Variants in EPN2 observed in about 807,000 individuals in gnomAD.
EPN2 encodes the protein epsin 2.
EPN2 carries 34 observed loss-of-function variants against 61.7 expected under a neutral mutation model. That is an observed-to-expected ratio of 0.55 (90% confidence interval 0.42 to 0.73). The LOEUF is 0.73. Ranked by LOEUF, EPN2 falls within the 30% of genes least tolerant of loss-of-function variation. The pLI is 0.00. For synonymous variants in EPN2, 349 were observed against 353.6 expected, an observed-to-expected ratio of 0.99 and a Z score of 0.15; for missense variants, 714 against 839.2, an observed-to-expected ratio of 0.85 and a Z score of 1.84.
At chr17:19,333,861 C>G in intron 10 of EPN2, 95 bp from the exon 11 acceptor site, 2 of 1,074,376 alleles carry the variant, frequency 1.9e-6, no homozygotes, top group Non-Finnish European at 2.6e-6. Flanking sequence ...GAGGGCACAG[C>G]AGGGACCAGA....
rs768259772 is a variant in EPN2 at position 19,311,979 on chromosome 17, G to A, written c.880-73G>A. On this transcript the variant is annotated intron_variant, in intron 5 of 10. Transcript: ENST00000314728. ...CTGCATCATACAATGTGCATTTCCT[G>A]TTTCTGGCCAGTGTGGCTTTGTTCT... The A allele has an allele frequency of 5.1e-6, 5 of 977,224 alleles. No individual in the cohort carries two copies. The Admixed American group carries it at 5.5e-5, about 11-fold the overall frequency. 60.5% of individuals were successfully genotyped at this position (977,224 alleles called of 1,614,324 possible).
At chr17:19,297,571 G>A (rs1052806158) in intron 4 of EPN2, among the ~76,000 whole-genome samples, 4 of 152,340 alleles carry the variant, frequency 2.6e-5, no homozygotes, top group Admixed American at 1.3e-4. Flanking sequence ...CAGACATACC[G>A]ACACCGTGTG....
intron 1 of EPN2, among the ~76,000 whole-genome samples, chr17:19,255,436 CTTTATTTATTTATTTATTTA>C (rs58603139): frequency 5.6e-4 from 78 of 138,348 alleles, no homozygotes; most frequent in East Asian, 4.5e-3. Flanking sequence ...TCTTCATTTA[CTTTATTTATTTATTTATTTA>C]TTTATTTATT....
chr17:19,253,513 C>T (rs1010027841), intron 1 of EPN2, among the ~76,000 whole-genome samples: 1 of 149,346 alleles, frequency 6.7e-6, no homozygotes, highest in Non-Finnish European at 1.5e-5. Flanking sequence ...TTCCTGGGCT[C>T]AAGGGATCTT....
At chr17:19,306,625 C>T (rs930264050) in intron 4 of EPN2, among the ~76,000 whole-genome samples, 3 of 152,184 alleles carry the variant, frequency 2.0e-5, no homozygotes, top group Admixed American at 6.5e-5. Flanking sequence ...TGCAGATGTG[C>T]TAGAAAGCTC....
At chr17:19,320,846 T>C (rs1906603913) in intron 7 of EPN2, among the ~76,000 whole-genome samples, 1 of 152,188 alleles carries the variant, frequency 6.6e-6, no homozygotes, top group Non-Finnish European at 1.5e-5. Context: ...TGTGCAGAGA[T>C]GCAGATAAAC....
At chr17:19,268,091 T>C (rs1041075288) in intron 1 of EPN2, among the ~76,000 whole-genome samples, 3 of 152,200 alleles carry the variant, frequency 2.0e-5, no homozygotes, top group Non-Finnish European at 2.9e-5. Flanking sequence ...CTGAGGGTTC[T>C]CACTCTGCCC....
chr17:19,317,398 G>A (rs1009646260), intron 7 of EPN2, among the ~76,000 whole-genome samples: 2 of 152,194 alleles, frequency 1.3e-5, no homozygotes, highest in African/African-American at 4.8e-5. Flanking sequence ...CTGTACTCCC[G>A]CCCACTGCCT....
intron 4 of EPN2, among the ~76,000 whole-genome samples, chr17:19,297,507 G>A (rs1473300189): frequency 6.6e-6 from 1 of 152,240 alleles, no homozygotes; most frequent in African/African-American, 2.4e-5. Context: ...AGCTTTCAGG[G>A]GCTTGCAGCT....
chr17:19,301,134 G>C (rs1259454066), intron 4 of EPN2, among the ~76,000 whole-genome samples: 4 of 152,254 alleles, frequency 2.6e-5, no homozygotes, highest in Middle Eastern at 3.4e-3. Flanking sequence ...GCAGGGCCCA[G>C]TGTTACTTGG....
Position 19,283,977 on chromosome 17 carries a change from A to G in EPN2, c.595+263A>G, listed in dbSNP as rs2045381737. 6.6e-6 allele frequency among the ~76,000 whole-genome samples: 1 copy of G among 152,220 alleles called. No individual in the cohort carries two copies. Among genetic ancestry groups the G allele is most frequent in the African/African-American group, 2.4e-5 (1 of 41,462 alleles). On this transcript the variant is annotated intron_variant, in intron 3 of 10. Coordinates refer to ENST00000314728, the MANE Select transcript of EPN2 (RefSeq NM_014964.5). This position sits in a 1 kb window ranked among gnomAD's most constrained non-coding sequence, Gnocchi z 7.0. ...TGGGCCTCATTCTGTACATCTGGGC[A>G]GACGGTGGGCAGAGGCAGGTCTTTT... is the stretch of plus-strand genomic sequence containing the variant.
chr17:19,285,739 C>G lies in EPN2; in HGVS notation c.715C>G (p.Pro239Ala). 8.1e-6 allele frequency: 13 copies of G among 1,608,720 alleles called. No homozygotes were observed. Among genetic ancestry groups the G allele is most frequent in the Non-Finnish European group, 1.1e-5 (13 of 1,178,618 alleles). Residue 239 changes from proline (P) to alanine (A), a missense_variant, in exon 4 of 11, where the codon CCA (proline) becomes GCA (alanine). Pro to Ala is a conservative substitution (Grantham distance 27, BLOSUM62 -1). This residue lies in a region of EPN2 where 304 missense variants were observed against 417.4 expected (regional missense o/e 0.73). Coordinates refer to ENST00000314728, the MANE Select transcript of EPN2 (RefSeq NM_014964.5). This position sits in a 1 kb window ranked among gnomAD's most constrained non-coding sequence, Gnocchi z 4.5. ...GCCGCACCTGGGGCTGGCCTCCCGC[C>G]CAAATGGCGACTGGTCCCAGCCCTG... ...FLPHLGLASR[P>A]NGDWSQPCLT...
intron 1 of EPN2, among the ~76,000 whole-genome samples, chr17:19,255,418 C>T (rs1255409216): frequency 6.7e-6 from 1 of 150,184 alleles, no homozygotes; most frequent in Non-Finnish European, 1.5e-5. Flanking sequence ...TTCCTTATTG[C>T]TTGAGTTTCT....
intron 1 of EPN2, among the ~76,000 whole-genome samples, chr17:19,243,483 C>G (rs1426580661): frequency 6.7e-6 from 1 of 149,840 alleles, no homozygotes; most frequent in Admixed American, 6.7e-5. Context: ...AGCTCCGCCT[C>G]CCGGGTTCAC....
rs552710429 is a variant in EPN2, at chr17:19,244,092, T to C, written c.-294+6561T>C. On this transcript the variant is annotated intron_variant, in intron 1 of 10. Transcript: ENST00000314728. ...TTGTCCTTCAAAAAGGCTGTAAATC[T>C]TGGATGCTGTTGAAAAAGCAGGTTC... Among the ~76,000 whole-genome samples the C allele has an allele frequency of 1.6e-4, 25 of 152,314 alleles. No homozygotes were observed. The South Asian group carries it at 5.2e-3, about 32-fold the overall frequency.
intron 7 of EPN2, among the ~76,000 whole-genome samples, chr17:19,322,490 G>T (rs576617118): frequency 6.6e-6 from 1 of 152,068 alleles, no homozygotes; most frequent in African/African-American, 2.4e-5. Flanking sequence ...CTTGCGCCTG[G>T]CCAATAATAT....
chr17:19,296,254 A>G (rs1197537521), intron 4 of EPN2, among the ~76,000 whole-genome samples: 4 of 151,774 alleles, frequency 2.6e-5, no homozygotes, highest in Non-Finnish European at 1.5e-5. Flanking sequence ...AGGTTCAAGC[A>G]ATTCTCATGT....
intron 1 of EPN2, among the ~76,000 whole-genome samples, chr17:19,255,436 CTTTA>C (rs58603139): frequency 0.13 from 17,447 of 138,194 alleles, 1,322 homozygotes; most frequent in East Asian, 0.26. Flanking sequence ...TCTTCATTTA[CTTTA>C]TTTATTTATT....
chr17:19,326,905 A>G (rs1717537452), intron 7 of EPN2, among the ~76,000 whole-genome samples: 1 of 152,124 alleles, frequency 6.6e-6, no homozygotes, highest in African/African-American at 2.4e-5. Flanking sequence ...TAGGAGAGGA[A>G]TCATGAGTGA....
Sources: allele counts gnomAD v4.1 joint callset (sites outside exome capture counted in the v4.1 genomes callset), GRCh38; gene constraint gnomAD v4.1.1; regional missense constraint gnomAD v4.1.1; non-coding constraint Gnocchi (gnomAD v3.1); transcripts MANE v1.5; gene names NCBI Gene and HGNC (gene_info 2026-07-23, HGNC 2026-07-21).